Variants in IFNGR2 observed in about 807,000 individuals in gnomAD.
The protein encoded by IFNGR2 is interferon gamma receptor 2.
In IFNGR2, 15 loss-of-function variants were observed where a neutral mutation model predicts 41.1. That is an observed-to-expected ratio of 0.37 (90% confidence interval 0.24 to 0.56). The LOEUF is 0.56. Among genes scored for constraint, IFNGR2 ranks in the 20% least tolerant of loss-of-function variants. The pLI is 0.81. For synonymous variants in IFNGR2, 161 were observed against 171.6 expected, an observed-to-expected ratio of 0.94 and a Z score of 0.48; for missense variants, 362 against 415.7, an observed-to-expected ratio of 0.87 and a Z score of 1.12.
chr21:33,413,886 G>C (rs557330616), intron 1 of IFNGR2, among the ~76,000 whole-genome samples: 1 of 135,236 alleles, frequency 7.4e-6, no homozygotes, highest in East Asian at 2.3e-4. Flanking sequence ...AGACTGGAGT[G>C]CAATGGTGCG....
At chr21:33,425,609 G>C (rs1243588543) in intron 3 of IFNGR2, among the ~76,000 whole-genome samples, 2 of 152,222 alleles carry the variant, frequency 1.3e-5, no homozygotes, top group South Asian at 2.1e-4. Context: ...CGTGTGTGCT[G>C]GTGTCCCTGG....
intron 3 of IFNGR2, among the ~76,000 whole-genome samples, chr21:33,422,815 T>G (rs1225961218): frequency 7.0e-6 from 1 of 142,472 alleles, no homozygotes; most frequent in East Asian, 2.1e-4. Context: ...AGGCAGAGGT[T>G]GTGGTGAGCT....
In IFNGR2 at chr21:33,431,479, A is replaced by C. The variant is rs2083886994; in HGVS notation, c.562-698A>C. Among the ~76,000 whole-genome samples, 4 of 152,208 alleles carry C rather than the reference A, an allele frequency of 2.6e-5. No homozygotes were observed. In the South Asian group the frequency reaches 6.2e-4, roughly 24 times the overall value. On this transcript the variant is annotated intron_variant, in intron 4 of 6. Transcript: ENST00000290219. ...CAACTACTCAGGAGTTGGAGGCAGG[A>C]GAATTGCTTGAACCTGGGAGGCGGA...
In IFNGR2 at chr21:33,436,925, C is replaced by T. The variant is rs202237583; in HGVS notation, c.977C>T (p.Pro326Leu). 2.6e-5 allele frequency: 42 copies of T among 1,613,936 alleles called. No individual in the cohort carries two copies. The highest frequency in any genetic ancestry group is 3.2e-5 in the Non-Finnish European group (38 of 1,179,972). Reference sequence around the variant, plus strand: ...GACTCTGTGTCCATTATCTCGTTTCCGGAAAAGGAGCAAGAAGATGTTCTC... The same window carrying T: ...GACTCTGTGTCCATTATCTCGTTTCTGGAAAAGGAGCAAGAAGATGTTCTC... ...VWDSVSIISF[P>L]EKEQEDVLQT... The change falls in exon 7 of 7, where the codon CCG (proline) becomes CTG (leucine). Residue 326 changes from proline (P) to leucine (L), a missense_variant. Pro to Leu is a moderately conservative substitution (Grantham distance 98). Coordinates refer to ENST00000290219, the MANE Select transcript of IFNGR2 (RefSeq NM_005534.4).
At chr21:33,434,718 A>G (rs1182660628) in intron 6 of IFNGR2, among the ~76,000 whole-genome samples, 2 of 152,156 alleles carry the variant, frequency 1.3e-5, no homozygotes, top group Non-Finnish European at 2.9e-5. Context: ...TTCATCTGCC[A>G]TGATGTATTG....
Position 33,415,011 on chromosome 21 carries a change from A to G in IFNGR2, c.197A>G (p.Gln66Arg). 6.2e-7 allele frequency: 1 copy of G among 1,614,176 alleles called. No homozygotes were observed. Among genetic ancestry groups the G allele is most frequent in the Non-Finnish European group, 8.5e-7 (1 of 1,180,034 alleles). Residue 66 changes from glutamine (Q) to arginine (R), a missense_variant, in exon 2 of 7, where the codon CAG becomes CGG. Gln to Arg is a conservative substitution (Grantham distance 43, BLOSUM62 1). Transcript: ENST00000290219. ...NSTRPVVYQVQFKYTDSKWFT... is the reference protein window; with the variant it reads ...NSTRPVVYQVRFKYTDSKWFT... Reference sequence around the variant, plus strand: ...ACGAGGCCTGTTGTCTACCAAGTGCAGTTTAAATAGTAAGCCGGTATTTCT... The same window carrying G: ...ACGAGGCCTGTTGTCTACCAAGTGCGGTTTAAATAGTAAGCCGGTATTTCT...
intron 1 of IFNGR2, among the ~76,000 whole-genome samples, chr21:33,411,958 G>C (rs2083719748): frequency 6.6e-6 from 1 of 152,144 alleles, no homozygotes; most frequent in Admixed American, 6.5e-5. Flanking sequence ...GGCCAGGCTA[G>C]AGTGCAATGA....
At chr21:33,404,122 C>T (rs891883988) in intron 1 of IFNGR2, among the ~76,000 whole-genome samples, 1 of 152,284 alleles carries the variant, frequency 6.6e-6, no homozygotes, top group Non-Finnish European at 1.5e-5. Context: ...CGGGGGCCGC[C>T]TTTGCTGGCC....
intron 4 of IFNGR2, among the ~76,000 whole-genome samples, chr21:33,429,261 A>T (rs1416462200): frequency 6.6e-6 from 1 of 152,102 alleles, no homozygotes; most frequent in Non-Finnish European, 1.5e-5. Context: ...TCTTTGTTCC[A>T]GCTGTGAGTC....
At chr21:33,432,032 C>T (rs2083893031) in intron 4 of IFNGR2, 145 bp from the exon 5 acceptor site, 2 of 740,608 alleles carry the variant, frequency 2.7e-6, no homozygotes, top group Admixed American at 2.0e-5. Context: ...AAAATGTGTC[C>T]ACTGCCAGCC....
chr21:33,417,876 A>G (rs989026564), intron 2 of IFNGR2, among the ~76,000 whole-genome samples: 3 of 152,146 alleles, frequency 2.0e-5, no homozygotes, highest in African/African-American at 7.2e-5. Context: ...AGATGCTTCT[A>G]AAAATGGGAT....
chr21:33,423,826 C>CT (rs1462263429), intron 3 of IFNGR2, among the ~76,000 whole-genome samples: 3 of 64,122 alleles, frequency 4.7e-5, no homozygotes, highest in East Asian at 1.1e-3. Context: ...GACCCCATCT[C>CT]TATTTTTTTT....
chr21:33,430,587 G>C (rs1187815774), intron 4 of IFNGR2, among the ~76,000 whole-genome samples: 1 of 152,012 alleles, frequency 6.6e-6, no homozygotes, highest in Non-Finnish European at 1.5e-5. Context: ...GGACTTATAG[G>C]CATGCACCAC....
chr21:33,405,279 G>A lies in IFNGR2; in HGVS notation c.73+1663G>A, dbSNP rs1415686982. On this transcript the variant is annotated intron_variant, in intron 1 of 6. Transcript: ENST00000290219. ...TCTTCCCATTCGAAGCTATAACCTT[G>A]TGTTGTGGGTTTGTTTTTTCTACCG... Among the ~76,000 whole-genome samples the A allele has an allele frequency of 2.0e-5, 3 of 152,156 alleles. No individual in the cohort carries two copies. The East Asian group carries it at 5.8e-4, about 29-fold the overall frequency.
intron 4 of IFNGR2, among the ~76,000 whole-genome samples, chr21:33,429,431 C>T (rs2083866928): frequency 6.6e-6 from 1 of 152,114 alleles, no homozygotes; most frequent in South Asian, 2.1e-4. Context: ...AAGAGATTTT[C>T]CTGTCTCAGC....
At position 33,426,872 on chromosome 21, in the gene IFNGR2, ATTCT is replaced by A. The variant is rs2083841596; in HGVS notation, c.413-9_413-6del. 6.2e-7 allele frequency: 1 copy of A among 1,611,612 alleles called. No homozygotes were observed. On this transcript the variant is annotated splice_polypyrimidine_tract_variant and splice_region_variant and intron_variant, in intron 3 of 6. Transcript: ENST00000290219. ...GTATGTGTGTGGTTTTCTCTTTGTA[ATTCT>A]TTTTCAGTGACTGTCGGGCCTCCAG... is the stretch of plus-strand genomic sequence containing the variant.
chr21:33,406,963 T>G (rs966878518), intron 1 of IFNGR2, among the ~76,000 whole-genome samples: 1 of 152,078 alleles, frequency 6.6e-6, no homozygotes, highest in African/African-American at 2.4e-5. Context: ...AAACAGATTT[T>G]TTAAAGGGAG....
At chr21:33,436,039 C>T (rs989820509) in intron 6 of IFNGR2, among the ~76,000 whole-genome samples, 18 of 151,864 alleles carry the variant, frequency 1.2e-4, no homozygotes, top group Non-Finnish European at 2.5e-4. Context: ...CCAGCCTGGG[C>T]GAAAAAGAGA....
chr21:33,409,613 G>T (rs1383702637), intron 1 of IFNGR2, among the ~76,000 whole-genome samples: 4 of 152,178 alleles, frequency 2.6e-5, no homozygotes, highest in Non-Finnish European at 5.9e-5. Context: ...ACTCAAGTCT[G>T]AACTCTACCC....
Sources: gnomAD v4.1 joint callset for allele counts (sites outside exome capture counted in the v4.1 genomes callset) on GRCh38, gnomAD v4.1.1 for gene constraint, MANE v1.5 for transcripts, NCBI Gene and HGNC (gene_info 2026-07-23, HGNC 2026-07-21) for gene names.